The following SMC6 variants were observed in gnomAD, a reference collection of about 807,000 sequenced individuals.
SMC6 encodes the protein structural maintenance of chromosomes protein 6.
SMC6 carries 79 observed loss-of-function variants against 142.2 expected under a neutral mutation model. The ratio of observed to expected loss-of-function variants is 0.56; its 90% CI spans 0.46 to 0.67. SMC6 has a LOEUF of 0.67. Ranked by LOEUF, SMC6 falls within the 30% of genes least tolerant of loss-of-function variation. The pLI is 0.00. For missense variants in SMC6, 1,072 were observed against 1,284.0 expected, an observed-to-expected ratio of 0.83 and a Z score of 2.52; for synonymous variants, 411 against 412.4, an observed-to-expected ratio of 1.00 and a Z score of 0.04.
chr2:17,740,018 T>C (rs762734979), intron 4 of SMC6, among the ~76,000 whole-genome samples: 9 of 151,832 alleles, frequency 5.9e-5, no homozygotes, highest in Non-Finnish European at 1.3e-4. Context: ...ACAAAGTAAC[T>C]AACGCACACC....
chr2:17,739,084 GA>G (rs1341701236), intron 4 of SMC6, among the ~76,000 whole-genome samples: 3 of 152,180 alleles, frequency 2.0e-5, no homozygotes, highest in Non-Finnish European at 1.5e-5. Context: ...AACTTAAGTA[GA>G]AAAAAATCAG....
intron 23 of SMC6, among the ~76,000 whole-genome samples, chr2:17,692,706 G>T (rs1322814032): frequency 6.6e-6 from 1 of 152,100 alleles, no homozygotes; most frequent in Non-Finnish European, 1.5e-5. Flanking sequence ...TTCACAAATG[G>T]GATCTAATTA....
intron 3 of SMC6, 39 bp downstream of exon 3, chr2:17,745,788 A>C (rs1161926401): frequency 6.4e-7 from 1 of 1,556,844 alleles, no homozygotes; most frequent in East Asian, 2.3e-5. Context: ...TTACAAGAAA[A>C]ACATATCAAA....
chr2:17,711,083 C>T (rs1440192240), intron 16 of SMC6, among the ~76,000 whole-genome samples: 1 of 152,130 alleles, frequency 6.6e-6, no homozygotes. Flanking sequence ...GAAATGTAGA[C>T]TCTCGCTAGC....
At chr2:17,703,844 A>G (rs1668383323) in intron 18 of SMC6, among the ~76,000 whole-genome samples, 1 of 152,066 alleles carries the variant, frequency 6.6e-6, no homozygotes, top group South Asian at 2.1e-4. Context: ...ATACTGTATT[A>G]TAAGAATACA....
intron 7 of SMC6, among the ~76,000 whole-genome samples, chr2:17,727,186 C>A (rs550924156): frequency 6.6e-6 from 1 of 152,026 alleles, no homozygotes. Flanking sequence ...GGTGTGTTCC[C>A]GAGGGTATTG....
chr2:17,729,097 G>A (rs1669778455), intron 7 of SMC6, among the ~76,000 whole-genome samples: 1 of 152,022 alleles, frequency 6.6e-6, no homozygotes, highest in Non-Finnish European at 1.5e-5. Flanking sequence ...AAAATATAGA[G>A]AAATAGGTGA....
intron 25 of SMC6, among the ~76,000 whole-genome samples, chr2:17,676,152 A>C (rs1666986994): frequency 6.6e-6 from 1 of 152,136 alleles, no homozygotes; most frequent in Non-Finnish European, 1.5e-5. Flanking sequence ...TCTTAATTTC[A>C]GATGCTGCAC....
chr2:17,691,427 T>G (rs1219049497), intron 23 of SMC6, among the ~76,000 whole-genome samples: 2 of 138,920 alleles, frequency 1.4e-5, no homozygotes, highest in East Asian at 4.0e-4. Flanking sequence ...ATATCTTGGC[T>G]ATTGTGAATA....
intron 10 of SMC6, 32 bp from the exon 11 acceptor site, chr2:17,721,070 G>A (rs1222088503): frequency 1.2e-6 from 2 of 1,612,156 alleles, no homozygotes; most frequent in African/African-American, 2.7e-5. Context: ...AAATTGATCA[G>A]ATTAACAATA....
chr2:17,667,040 A>C (rs1666531090), intron 26 of SMC6, among the ~76,000 whole-genome samples: 1 of 152,226 alleles, frequency 6.6e-6, no homozygotes, highest in Admixed American at 6.5e-5. Flanking sequence ...TCTTTCAGGT[A>C]ATTTCTATAG....
In SMC6 at chr2:17,665,240, A is replaced by G; in HGVS notation, c.*259T>C. The G allele has an allele frequency of 4.0e-6, 1 of 247,426 alleles. No individual in the cohort carries two copies. The highest frequency in any genetic ancestry group is 1.5e-4 in the South Asian group (1 of 6,768). 15.3% of individuals were successfully genotyped at this position (247,426 alleles called of 1,614,324 possible). The stretch of plus-strand genomic sequence containing the variant: ...TACTTCTGAAAAAGAACCTATAAAA[A>G]TAGATCGTATTAAAAAAACTTAAAA... On this transcript the variant is annotated 3_prime_UTR_variant, in exon 28 of 28. Transcript: ENST00000448223.
At chr2:17,682,761 A>G (rs1224817381) in intron 24 of SMC6, among the ~76,000 whole-genome samples, 1 of 149,988 alleles carries the variant, frequency 6.7e-6, no homozygotes, top group African/African-American at 2.5e-5. Context: ...GGCTAAAAGT[A>G]GCCTCAAAAG....
chr2:17,686,734 T>C (rs1234411868), intron 23 of SMC6, among the ~76,000 whole-genome samples: 1 of 152,158 alleles, frequency 6.6e-6, no homozygotes. Context: ...TGTTACATTT[T>C]TTACTAAGTA....
intron 16 of SMC6, chr2:17,713,613 T>G (rs1478707645): frequency 2.2e-6 from 1 of 449,542 alleles, no homozygotes; most frequent in Admixed American, 2.5e-5. Context: ...AGAAGGACAT[T>G]CCTCACAACT....
At chr2:17,690,919 C>T (rs926234489) in intron 23 of SMC6, among the ~76,000 whole-genome samples, 2 of 151,478 alleles carry the variant, frequency 1.3e-5, no homozygotes. Context: ...GGTACAATCC[C>T]TATAAAGGGA....
chr2:17,745,154 G>C, intron 3 of SMC6, among the ~76,000 whole-genome samples: 1 of 152,064 alleles, frequency 6.6e-6, no homozygotes, highest in Non-Finnish European at 1.5e-5. Context: ...TATCTATTAG[G>C]TATACTGGTT....
At chr2:17,743,864 T>C (rs544053307) in intron 3 of SMC6, among the ~76,000 whole-genome samples, 2 of 152,326 alleles carry the variant, frequency 1.3e-5, no homozygotes, top group East Asian at 3.9e-4. Flanking sequence ...TCTGACTGGC[T>C]TCTGTCACTT....
At chr2:17,728,547 CA>C (rs879582142) in intron 7 of SMC6, among the ~76,000 whole-genome samples, 75 of 137,472 alleles carry the variant, frequency 5.5e-4, no homozygotes, top group East Asian at 6.5e-4. Flanking sequence ...AAAATCAAAC[CA>C]AAAAAAAAAA....
Sources: gnomAD v4.1 joint callset for allele counts (sites outside exome capture counted in the v4.1 genomes callset) on GRCh38, gnomAD v4.1.1 for gene constraint, MANE v1.5 for transcripts, NCBI Gene and HGNC (gene_info 2026-07-23, HGNC 2026-07-21) for gene names.